The following GRIP2 variants were observed in gnomAD, a reference collection of about 807,000 sequenced individuals.
GRIP2 encodes the protein glutamate receptor-interacting protein 2.
In GRIP2, 58 loss-of-function variants were observed where a neutral mutation model predicts 108.3. That is an observed-to-expected ratio of 0.54 (90% CI 0.43 to 0.67). The LOEUF (loss-of-function observed/expected upper bound fraction) is 0.67, where lower values mean the gene tolerates loss of function less well. Among genes scored for constraint, GRIP2 ranks in the 30% least tolerant of loss-of-function variants. GRIP2 has a pLI of 0.00. For synonymous variants in GRIP2, 586 were observed against 598.2 expected, an observed-to-expected ratio of 0.98 and a Z score of 0.30; for missense variants, 1,278 against 1,430.6, an observed-to-expected ratio of 0.89 and a Z score of 1.72.
chr3:14,505,756 G>C lies in GRIP2; in HGVS notation c.2432C>G (p.Thr811Arg). The change falls in exon 20 of 24, where the codon ACG (threonine) becomes AGG (arginine). Residue 811 changes from threonine to arginine, a missense_variant. Transcript: ENST00000621039. The surrounding 1 kb of genome is among the most constrained non-coding windows in gnomAD (Gnocchi z 4.2). ...SYTPQAAARG[T>R]TPQERRPGWL... ...GCCAGGCCTCCGCTCCTGGGGGGTC[G>C]TGCCCCGGGCTGCTGCCTGTGGTGT... 1 of 1,572,938 alleles carries C rather than the reference G, an allele frequency of 6.4e-7. No individual in the cohort carries two copies. The highest frequency in any genetic ancestry group is 1.9e-5 in the Admixed American group (1 of 53,928).
chr3:14,584,553 TG>T, the GRIP2 span, among the ~76,000 whole-genome samples: 2 of 152,208 alleles, frequency 1.3e-5, no homozygotes, highest in Non-Finnish European at 2.9e-5. Context: ...AGGATTTCGC[TG>T]TGTGGAAATC....
chr3:14,524,645 T>C (rs1365666999), intron 3 of GRIP2, 107 bp from the exon 4 acceptor site: 2 of 1,269,628 alleles, frequency 1.6e-6, no homozygotes, highest in Admixed American at 4.7e-5. Context: ...GGATCCTCAT[T>C]TCACAAATGG....
At chr3:14,552,404 C>T (rs1340649643) in intron 1 of GRIP2, among the ~76,000 whole-genome samples, 2 of 152,174 alleles carry the variant, frequency 1.3e-5, no homozygotes, top group Non-Finnish European at 2.9e-5. Flanking sequence ...CTGTTGTACC[C>T]CAAGGGCCTA....
upstream of GRIP2, among the ~76,000 whole-genome samples, chr3:14,542,900 C>T (rs1012774829): frequency 6.6e-6 from 1 of 152,204 alleles, no homozygotes; most frequent in Non-Finnish European, 1.5e-5. Flanking sequence ...CCAAGTTTCA[C>T]ACTCAGGAGG....
At chr3:14,541,260 G>A (rs1369287015), upstream of GRIP2, among the ~76,000 whole-genome samples, 2 of 152,228 alleles carry the variant, frequency 1.3e-5, no homozygotes, top group African/African-American at 4.8e-5. Context: ...CCAACTGAGG[G>A]TCAGACACCA....
intron 1 of GRIP2, among the ~76,000 whole-genome samples, chr3:14,548,664 A>G (rs1695095170): frequency 6.6e-6 from 1 of 152,226 alleles, no homozygotes; most frequent in Non-Finnish European, 1.5e-5. Context: ...AAGGGCCAGC[A>G]TTTGCTGAGC....
intron 1 of GRIP2, among the ~76,000 whole-genome samples, chr3:14,547,297 C>A (rs1322284417): frequency 2.6e-5 from 4 of 152,168 alleles, no homozygotes; most frequent in Admixed American, 6.5e-5. Context: ...AAAGCACTAT[C>A]TATGCTGCAA....
chr3:14,490,957 G>C lies in GRIP2; in HGVS notation c.*2708C>G, dbSNP rs923608243. The C allele has an allele frequency of 6.6e-6, 1 of 152,084 alleles. No individual in the cohort carries two copies. Among genetic ancestry groups the C allele is most frequent in the African/African-American group, 2.4e-5 (1 of 41,388 alleles). 9.4% of individuals were successfully genotyped at this position (152,084 alleles called of 1,614,324 possible). A position where few individuals can be genotyped will look rare whatever the true frequency, so the allele number is the denominator to read the frequency against. ...TGCCTTTTGAAATAATTATTTATTT[G>C]CTTACTTGTTGATTGTCTGCCTGCC... On this transcript the variant is annotated 3_prime_UTR_variant, in exon 24 of 24. Coordinates refer to ENST00000621039, the MANE Select transcript of GRIP2 (RefSeq NM_001080423.4).
chr3:14,576,815 G>A, the GRIP2 span, among the ~76,000 whole-genome samples: 126 of 152,304 alleles, frequency 8.3e-4, no homozygotes, highest in African/African-American at 2.8e-3. Context: ...GAATTTTACC[G>A]ACTTTGATGA....
chr3:14,519,101 G>GA (rs1694336399), intron 9 of GRIP2, among the ~76,000 whole-genome samples: 2 of 152,218 alleles, frequency 1.3e-5, no homozygotes, highest in African/African-American at 4.8e-5. Context: ...AACCTGGCAC[G>GA]TGGCAGATGC....
At chr3:14,537,204 G>A (rs182734333) in intron 1 of GRIP2, among the ~76,000 whole-genome samples, 1 of 152,198 alleles carries the variant, frequency 6.6e-6, no homozygotes, top group East Asian at 1.9e-4. Flanking sequence ...CCTTTGCATC[G>A]GCTGTTCCCT....
the GRIP2 span, among the ~76,000 whole-genome samples, chr3:14,587,705 C>T: frequency 6.6e-6 from 1 of 151,668 alleles, no homozygotes; most frequent in South Asian, 2.1e-4. Context: ...TTCTCATCTG[C>T]AAAATGAAGT....
chr3:14,531,966 G>C (rs73132049), intron 1 of GRIP2, among the ~76,000 whole-genome samples: 7,155 of 152,066 alleles, frequency 0.047, 231 homozygotes, highest in East Asian at 0.15. Flanking sequence ...GGCCTCGTCT[G>C]AGCCTGCACA....
chr3:14,554,790 C>T (rs1008127864), intron 1 of GRIP2, among the ~76,000 whole-genome samples: 9 of 152,184 alleles, frequency 5.9e-5, no homozygotes, highest in African/African-American at 1.9e-4. Context: ...GTTACTTAAC[C>T]GCTCTGTGCC....
intron 21 of GRIP2, among the ~76,000 whole-genome samples, chr3:14,500,906 A>G (rs191023085): frequency 8.3e-4 from 127 of 152,360 alleles, no homozygotes; most frequent in African/African-American, 2.8e-3. Context: ...GAGAAGTGAA[A>G]GAATTCTATA....
upstream of GRIP2, among the ~76,000 whole-genome samples, chr3:14,556,632 C>T (rs1468340298): frequency 1.3e-5 from 2 of 152,334 alleles, no homozygotes; most frequent in East Asian, 3.9e-4. Flanking sequence ...TAACTCCTAA[C>T]CCCTACAACT....
At chr3:14,600,535 T>C in the GRIP2 span, among the ~76,000 whole-genome samples, 12 of 152,224 alleles carry the variant, frequency 7.9e-5, no homozygotes, top group African/African-American at 2.9e-4. Context: ...GCAGATGAGC[T>C]GGTCTTGTTC....
upstream of GRIP2, chr3:14,542,009 C>T (rs774685716): frequency 1.5e-6 from 2 of 1,353,058 alleles, no homozygotes; most frequent in Non-Finnish European, 2.0e-6. Flanking sequence ...GTGAACTGCT[C>T]TAACAGATCC....
chr3:14,541,762 A>C, upstream of GRIP2: 2 of 678,724 alleles, frequency 2.9e-6, no homozygotes, highest in South Asian at 3.1e-5. Context: ...CAGTGATGCC[A>C]AGGTCTCAGC....
Sources: allele counts gnomAD v4.1 joint callset (sites outside exome capture counted in the v4.1 genomes callset), GRCh38; gene constraint gnomAD v4.1.1; non-coding constraint Gnocchi (gnomAD v3.1); transcripts MANE v1.5; gene names NCBI Gene and HGNC (gene_info 2026-07-23, HGNC 2026-07-21).